Variants in CCSER1 observed in about 807,000 individuals in gnomAD.
CCSER1 encodes the protein coiled-coil serine rich protein 1.
A neutral mutation model predicts 82.0 loss-of-function variants in CCSER1; 41 were observed. That is an observed-to-expected ratio of 0.50 (90% CI 0.39 to 0.65). The LOEUF is 0.65. CCSER1 is among the 30% of genes least tolerant of loss of function. The pLI is 0.00. For missense variants in CCSER1, 1,119 were observed against 1,064.2 expected (o/e 1.05, Z -0.72); for synonymous variants, 414 against 383.9 (o/e 1.08, Z -0.92).
intron 3 of CCSER1, among the ~76,000 whole-genome samples, chr4:90,355,134 C>T (rs1001215567): frequency 6.6e-6 from 1 of 151,884 alleles, no homozygotes; most frequent in Non-Finnish European, 1.5e-5. Context: ...CAAATCTTTA[C>T]CTAATATATT....
intron 10 of CCSER1, among the ~76,000 whole-genome samples, chr4:91,313,970 C>G (rs1174445798): frequency 1.3e-5 from 2 of 151,944 alleles, no homozygotes; most frequent in African/African-American, 2.4e-5. Context: ...CATTAGAAAA[C>G]CTCCAGATCT....
chr4:91,246,244 A>T (rs1397541797), intron 10 of CCSER1, among the ~76,000 whole-genome samples: 1 of 151,886 alleles, frequency 6.6e-6, no homozygotes, highest in Non-Finnish European at 1.5e-5. Context: ...GTAGATTTTC[A>T]ATTAGTTTTC....
intron 1 of CCSER1, among the ~76,000 whole-genome samples, chr4:90,192,488 G>A (rs1735837101): frequency 6.6e-6 from 1 of 152,026 alleles, no homozygotes; most frequent in Non-Finnish European, 1.5e-5. Flanking sequence ...GAGAATTTCA[G>A]CTTTGGAGCC....
intron 9 of CCSER1, among the ~76,000 whole-genome samples, chr4:91,048,996 T>C (rs1212505881): frequency 1.3e-5 from 2 of 152,158 alleles, no homozygotes; most frequent in East Asian, 3.9e-4. Context: ...CTGGGATACT[T>C]AAGGCTTTTA....
chr4:91,384,425 A>ATTAAG (rs55758473), intron 10 of CCSER1, among the ~76,000 whole-genome samples: 149,727 of 151,984 alleles, frequency 0.99, 73,761 homozygotes, highest in East Asian at 1. Flanking sequence ...GCAACATGAT[A>ATTAAG]TTAGATTTTT....
At chr4:91,586,885 A>G (rs73836250) in intron 10 of CCSER1, among the ~76,000 whole-genome samples, 2 of 151,676 alleles carry the variant, frequency 1.3e-5, no homozygotes, top group African/African-American at 4.8e-5. Context: ...GTAATATTGC[A>G]TACTTAGTTT....
intron 10 of CCSER1, among the ~76,000 whole-genome samples, chr4:91,349,438 T>C (rs1276642945): frequency 2.0e-5 from 3 of 152,040 alleles, no homozygotes; most frequent in Admixed American, 2.0e-4. Flanking sequence ...GGTTAAGTTG[T>C]AGAAAGGCAA....
intron 9 of CCSER1, among the ~76,000 whole-genome samples, chr4:91,020,154 T>G (rs1391730724): frequency 6.6e-6 from 1 of 152,170 alleles, no homozygotes; most frequent in Non-Finnish European, 1.5e-5. Context: ...AAAATAAATA[T>G]GTACTTAAGA....
chr4:90,412,137 A>G (rs1359679037), intron 4 of CCSER1, among the ~76,000 whole-genome samples: 1 of 152,098 alleles, frequency 6.6e-6, no homozygotes, highest in Non-Finnish European at 1.5e-5. Context: ...TGCAGCCTTA[A>G]GAAAGGATGA....
intron 10 of CCSER1, among the ~76,000 whole-genome samples, chr4:91,450,355 A>G (rs1281618671): frequency 1.3e-5 from 2 of 152,108 alleles, no homozygotes; most frequent in East Asian, 3.9e-4. Flanking sequence ...AAACCTCAGG[A>G]AGTACTTACC....
At chr4:91,188,692 G>A (rs1218734650) in intron 10 of CCSER1, among the ~76,000 whole-genome samples, 1 of 152,066 alleles carries the variant, frequency 6.6e-6, no homozygotes, top group Admixed American at 6.6e-5. Context: ...AGGTATTCTG[G>A]AAATACTCTA....
chr4:90,362,468 C>T (rs923225324), intron 3 of CCSER1, among the ~76,000 whole-genome samples: 3 of 152,130 alleles, frequency 2.0e-5, no homozygotes, highest in Non-Finnish European at 2.9e-5. Flanking sequence ...TTAATCAATA[C>T]ATAAATTCTT....
intron 10 of CCSER1, among the ~76,000 whole-genome samples, chr4:91,110,466 A>G (rs1726005068): frequency 6.6e-6 from 1 of 152,068 alleles, no homozygotes; most frequent in African/African-American, 2.4e-5. Flanking sequence ...AAGACAGTAG[A>G]CATTCTACTC....
intron 10 of CCSER1, among the ~76,000 whole-genome samples, chr4:91,482,876 T>C (rs1352446950): frequency 5.3e-5 from 8 of 151,834 alleles, no homozygotes; most frequent in African/African-American, 1.9e-4. Flanking sequence ...TTCTCACTCA[T>C]AGGTGGGAAT....
At chr4:90,761,540 C>T (rs1432895116) in intron 7 of CCSER1, among the ~76,000 whole-genome samples, 3 of 152,092 alleles carry the variant, frequency 2.0e-5, no homozygotes, top group Admixed American at 6.6e-5. Flanking sequence ...TGTATAAATT[C>T]GATTATTTAT....
intron 10 of CCSER1, among the ~76,000 whole-genome samples, chr4:91,172,435 G>A (rs1311950464): frequency 6.6e-6 from 1 of 152,178 alleles, no homozygotes. Flanking sequence ...TGAAAGCTCT[G>A]GGAAATGTTG....
intron 5 of CCSER1, among the ~76,000 whole-genome samples, chr4:90,625,468 T>C (rs944655943): frequency 6.6e-6 from 1 of 152,178 alleles, no homozygotes. Context: ...ATTTAACAGA[T>C]CTTTCACTAA....
chr4:90,589,841 T>C (rs965431119), intron 5 of CCSER1, among the ~76,000 whole-genome samples: 1 of 152,238 alleles, frequency 6.6e-6, no homozygotes. Context: ...GAAATGTAGT[T>C]AACAAAGGAT....
chr4:90,458,695 G>T (rs963353650), intron 4 of CCSER1, among the ~76,000 whole-genome samples: 4 of 152,150 alleles, frequency 2.6e-5, no homozygotes, highest in African/African-American at 9.7e-5. Context: ...ATATTAAAAT[G>T]AAATCTTTAA....
Sources: gnomAD v4.1 joint callset for allele counts (sites outside exome capture counted in the v4.1 genomes callset) on GRCh38, gnomAD v4.1.1 for gene constraint, MANE v1.5 for transcripts, NCBI Gene and HGNC (gene_info 2026-07-23, HGNC 2026-07-21) for gene names.